The following RAD21L1 variants were observed in gnomAD, a reference collection of about 807,000 sequenced individuals.
The protein encoded by RAD21L1 is RAD21 cohesin complex component like 1.
In RAD21L1, 47 loss-of-function variants were observed where a neutral mutation model predicts 69.0. The ratio of observed to expected loss-of-function variants is 0.68; its 90% confidence interval spans 0.54 to 0.87. The LOEUF is 0.87. Ranked by LOEUF, RAD21L1 falls within the 40% of genes least tolerant of loss-of-function variation. The pLI is 0.00. For missense variants in RAD21L1, 583 were observed against 647.6 expected, an observed-to-expected ratio of 0.90 and a Z score of 1.08; for synonymous variants, 177 against 205.8, an observed-to-expected ratio of 0.86 and a Z score of 1.20.
intron 13 of RAD21L1, among the ~76,000 whole-genome samples, chr20:1,252,842 C>G (rs541248437): frequency 5.9e-5 from 9 of 152,320 alleles, no homozygotes; most frequent in Admixed American, 3.3e-4. Context: ...GTTGTCTCTA[C>G]TCTACTAAGT....
intron 12 of RAD21L1, among the ~76,000 whole-genome samples, chr20:1,248,206 A>G (rs1239007431): frequency 1.3e-5 from 2 of 152,044 alleles, no homozygotes; most frequent in African/African-American, 2.4e-5. Flanking sequence ...CCATTACCAG[A>G]TAAGTTCAGA....
At chr20:1,235,652 C>CCCA (rs2087479072) in intron 5 of RAD21L1, among the ~76,000 whole-genome samples, 1 of 152,128 alleles carries the variant, frequency 6.6e-6, no homozygotes, top group South Asian at 2.1e-4. Flanking sequence ...CTCTTACTGG[C>CCCA]TATAACCCCA....
chr20:1,245,248 T>C (rs758205655), intron 11 of RAD21L1, among the ~76,000 whole-genome samples: 11 of 152,104 alleles, frequency 7.2e-5, no homozygotes, highest in Non-Finnish European at 1.6e-4. Flanking sequence ...GGTTAACAAA[T>C]GTGAAATATA....
intron 3 of RAD21L1, chr20:1,230,549 A>T: frequency 2.1e-6 from 1 of 473,892 alleles, no homozygotes; most frequent in Non-Finnish European, 2.8e-6. Context: ...TCTACCTTGT[A>T]TTATGGCTAC....
At chr20:1,241,446 T>A (rs2087605268) in intron 8 of RAD21L1, among the ~76,000 whole-genome samples, 3 of 152,212 alleles carry the variant, frequency 2.0e-5, no homozygotes, top group Admixed American at 2.0e-4. Flanking sequence ...ATCCTAGTTG[T>A]AGGTAGTATA....
At chr20:1,230,610 A>T in intron 3 of RAD21L1, 1 of 318,582 alleles carries the variant, frequency 3.1e-6, no homozygotes, top group Non-Finnish European at 4.5e-6. Flanking sequence ...CTTGAAGGCA[A>T]GGTCTTTGTC....
intron 13 of RAD21L1, among the ~76,000 whole-genome samples, chr20:1,250,529 C>T (rs925695329): frequency 6.6e-6 from 1 of 152,132 alleles, no homozygotes; most frequent in African/African-American, 2.4e-5. Context: ...CCTACAAAGA[C>T]ATGAACTCAT....
At position 1,246,263 on chromosome 20, in the gene RAD21L1, T is replaced by G; in HGVS notation, c.1359T>G (p.Asn453Lys). 1 of 1,540,618 alleles carries G rather than the reference T, an allele frequency of 6.5e-7. No homozygotes were observed. Among genetic ancestry groups the G allele is most frequent in the Non-Finnish European group, 8.8e-7 (1 of 1,141,700 alleles). The stretch of plus-strand genomic sequence containing the variant: ...CTGCTGAGGAATCATCTTTAATGAA[T>G]GACTTATTTGCACAAGAAATTGAAT... ...SLAAEESSLM[N>K]DLFAQEIEYS... Residue 453 changes from asparagine (N) to lysine (K), a missense_variant, in exon 12 of 14, where the codon AAT becomes AAG. Asn to Lys is a moderately conservative substitution (Grantham distance 94, BLOSUM62 0). Coordinates refer to ENST00000683101, the MANE Select transcript of RAD21L1 (RefSeq NM_001384355.1). This position sits in a 1 kb window ranked among gnomAD's most constrained non-coding sequence, Gnocchi z 4.6.
At chr20:1,250,595 C>G (rs935700774) in intron 13 of RAD21L1, among the ~76,000 whole-genome samples, 3 of 152,122 alleles carry the variant, frequency 2.0e-5, no homozygotes, top group Non-Finnish European at 4.4e-5. Context: ...TTTTCTTAAT[C>G]CAGTCTATCA....
chr20:1,242,459 C>G (rs768451420), intron 8 of RAD21L1, among the ~76,000 whole-genome samples, 160 bp from the exon 9 acceptor site: 2 of 152,108 alleles, frequency 1.3e-5, no homozygotes, highest in Non-Finnish European at 2.9e-5. Context: ...TCTTGAACTC[C>G]TGGGCCCAAG....
chr20:1,232,340 G>A (rs1417732459), intron 4 of RAD21L1, among the ~76,000 whole-genome samples: 1 of 152,172 alleles, frequency 6.6e-6, no homozygotes, highest in Non-Finnish European at 1.5e-5. Context: ...TTTGAATAGA[G>A]GAGTGACGGG....
intron 7 of RAD21L1, among the ~76,000 whole-genome samples, chr20:1,239,837 G>T (rs2087570589): frequency 6.6e-6 from 1 of 152,132 alleles, no homozygotes; most frequent in Admixed American, 6.5e-5. Flanking sequence ...AGTACAATTA[G>T]CCCCATTTTT....
At chr20:1,236,876 T>C (rs2087504473) in intron 5 of RAD21L1, among the ~76,000 whole-genome samples, 1 of 152,258 alleles carries the variant, frequency 6.6e-6, no homozygotes. Flanking sequence ...CTGATATTCT[T>C]GTGATGTTCA....
intron 5 of RAD21L1, among the ~76,000 whole-genome samples, chr20:1,237,433 G>A (rs1568519327): frequency 6.6e-6 from 1 of 151,850 alleles, no homozygotes; most frequent in Non-Finnish European, 1.5e-5. Context: ...TCTGTACAAT[G>A]AGAATTATAA....
Position 1,242,645 on chromosome 20 carries a change from A to G in RAD21L1, c.883A>G (p.Lys295Glu). Reference protein sequence around the residue: ...SDIAEKRKGKKRRLLIDPIKE... With the variant: ...SDIAEKRKGKERRLLIDPIKE... ...CATTGCTGAGAAAAGGAAAGGCAAA[A>G]AGAGGAGATTGCTCATAGATCCTAT... Residue 295 changes from lysine to glutamate, a missense_variant, in exon 9 of 14, where the codon AAG becomes GAG. By Grantham distance (56) the Lys-to-Glu change is moderately conservative (BLOSUM62 1). Coordinates refer to ENST00000683101, the MANE Select transcript of RAD21L1 (RefSeq NM_001384355.1). 1 of 1,551,412 alleles carries G rather than the reference A, an allele frequency of 6.4e-7. No individual in the cohort carries two copies. Among genetic ancestry groups the G allele is most frequent in the Non-Finnish European group, 8.7e-7 (1 of 1,146,724 alleles).
intron 9 of RAD21L1, 34 bp downstream of exon 9, chr20:1,242,879 G>A: frequency 7.8e-7 from 1 of 1,284,736 alleles, no homozygotes; most frequent in Non-Finnish European, 1.1e-6. Flanking sequence ...TGTGAGCAAT[G>A]TCTGGTTATA....
chr20:1,240,979 C>T (rs923672592), intron 8 of RAD21L1, among the ~76,000 whole-genome samples: 2 of 152,210 alleles, frequency 1.3e-5, no homozygotes, highest in Non-Finnish European at 2.9e-5. Context: ...CTGTTTTCTT[C>T]TACCTCTGAC....
intron 2 of RAD21L1, among the ~76,000 whole-genome samples, chr20:1,229,554 T>G (rs1008651039): frequency 1.3e-5 from 2 of 152,184 alleles, no homozygotes; most frequent in African/African-American, 4.8e-5. Context: ...CTGTAGCCAT[T>G]TTTATTAAAC....
At chr20:1,231,055 T>C (rs1186196052) in intron 3 of RAD21L1, 1 of 152,394 alleles carries the variant, frequency 6.6e-6, no homozygotes, top group Non-Finnish European at 1.5e-5. Context: ...AAAGCCTTTC[T>C]GAGAAGATAG....
Sources: allele counts gnomAD v4.1 joint callset (sites outside exome capture counted in the v4.1 genomes callset), GRCh38; gene constraint gnomAD v4.1.1; non-coding constraint Gnocchi (gnomAD v3.1); transcripts MANE v1.5; gene names NCBI Gene and HGNC (gene_info 2026-07-23, HGNC 2026-07-21).